The following RHPN1 variants were observed in gnomAD, a reference collection of about 807,000 sequenced individuals.
RHPN1 encodes rhophilin Rho GTPase binding protein 1, also known as rhophilin-1.
A neutral mutation model predicts 74.7 loss-of-function variants in RHPN1; 77 were observed. The observed-to-expected ratio is 1.03, with a 90% confidence interval of 0.86 to 1.25. RHPN1 has a LOEUF of 1.25. Among genes scored for constraint, RHPN1 ranks in the 50% most tolerant of loss-of-function variants. The pLI, the probability that RHPN1 is intolerant of heterozygous loss-of-function variation, is 0.00. For missense variants in RHPN1, 987 were observed against 932.2 expected (o/e 1.06, Z -0.77); for synonymous variants, 444 against 414.5 (o/e 1.07, Z -0.87).
chr8:143,380,087 G>C lies in RHPN1; in HGVS notation c.1128G>C (p.Thr376=). 2.6e-6 allele frequency: 4 copies of C among 1,552,198 alleles called. No homozygotes were observed. The highest frequency in any genetic ancestry group is 3.5e-6 in the Non-Finnish European group (4 of 1,149,110). Residue 376 remains threonine (T), a synonymous_variant, in exon 10 of 15, where the codon ACG becomes ACC. Coordinates refer to ENST00000289013, the MANE Select transcript of RHPN1 (RefSeq NM_052924.3). The part of the protein sequence containing the change: ...GSPATEGELP[T]HEQVFLQPPT... Reference sequence around the variant, plus strand: ...CAGCGACCGAGGGAGAGCTCCCCACGCACGAGCAGGTCTTCCTGCAGCCCC... The same window carrying C: ...CAGCGACCGAGGGAGAGCTCCCCACCCACGAGCAGGTCTTCCTGCAGCCCC...
chr8:143,373,574 G>A (rs1818004154), intron 1 of RHPN1, among the ~76,000 whole-genome samples: 1 of 40,162 alleles, frequency 2.5e-5, no homozygotes, highest in Non-Finnish European at 3.9e-5. Flanking sequence ...GATGGCGTGG[G>A]TTCCAGGGGA....
intron 1 of RHPN1, among the ~76,000 whole-genome samples, chr8:143,370,353 G>A (rs1286093865): frequency 3.3e-5 from 5 of 152,174 alleles, no homozygotes; most frequent in East Asian, 1.9e-4. Context: ...GCAGTGGGGC[G>A]GAGGCAGGCC....
chr8:143,377,003 T>C (rs912466569), intron 3 of RHPN1, among the ~76,000 whole-genome samples: 17 of 150,900 alleles, frequency 1.1e-4, no homozygotes, highest in African/African-American at 4.2e-4. Flanking sequence ...TGTATGTGGG[T>C]GTGTGTTTGC....
chr8:143,375,362 T>C (rs1818142355), intron 1 of RHPN1, among the ~76,000 whole-genome samples, 191 bp from the exon 2 acceptor site: 1 of 152,230 alleles, frequency 6.6e-6, no homozygotes, highest in Non-Finnish European at 1.5e-5. Flanking sequence ...CTGCCTCCTG[T>C]CCTGCTCTGG....
rs761464642 is a variant in RHPN1, at chr8:143,381,688, C to T, written c.1605C>T (p.Ile535=). 18 of 1,611,338 alleles carry T rather than the reference C, an allele frequency of 1.1e-5. No individual in the cohort carries two copies. Among genetic ancestry groups the T allele is most frequent in the Middle Eastern group, 1.6e-4 (1 of 6,080 alleles). The change falls in exon 13 of 15, where the codon ATC becomes ATT. Residue 535 remains isoleucine, a synonymous_variant. Transcript: ENST00000289013. ...LTLRGDSPVL[I]AAVIPGSQAA... ...TTCGGGGAGACTCGCCTGTCCTCAT[C>T]GCTGCCGTCATTCCAGGGAGCCAGG...
chr8:143,369,654 T>C (rs1261415996), intron 1 of RHPN1, among the ~76,000 whole-genome samples: 3 of 152,172 alleles, frequency 2.0e-5, no homozygotes, highest in Non-Finnish European at 4.4e-5. Flanking sequence ...AGGGGACGTC[T>C]GTGGGCCTTG....
rs1002954528 is a variant in RHPN1, at chr8:143,383,105, A to T, written c.*454A>T. ...CACCATGCAGCAGCCAGACACACCC[A>T]CAGCACCCGCAGACCTCTAGGCCGG... On this transcript the variant is annotated 3_prime_UTR_variant, in exon 15 of 15. Transcript: ENST00000289013. 1 of 209,718 alleles carries T rather than the reference A, an allele frequency of 4.8e-6. No homozygotes were observed. The highest frequency in any genetic ancestry group is 9.7e-6 in the Non-Finnish European group (1 of 103,168). 13.0% of individuals were successfully genotyped at this position (209,718 alleles called of 1,614,324 possible). A position where few individuals can be genotyped will look rare whatever the true frequency, so the allele number is the denominator to read the frequency against.
Position 143,382,559 on chromosome 8 carries a change from G to T in RHPN1, c.1921G>T (p.Ala641Ser), listed in dbSNP as rs760619545. ...GCCCCTCCTCAACTGGAGCCGAAAG[G>T]CCCAGCAGGGCAAGACTGGAGGCTG... ...PRPLLNWSRK[A>S]QQGKTGGCPQ... is the part of the protein sequence containing the mutation. Residue 641 changes from alanine (A) to serine (S), a missense_variant, in exon 15 of 15, where the codon GCC (alanine) becomes TCC (serine). Ala to Ser is a moderately conservative substitution (Grantham distance 99, BLOSUM62 1). Coordinates refer to ENST00000289013, the MANE Select transcript of RHPN1 (RefSeq NM_052924.3). 34 of 1,611,508 alleles carry T rather than the reference G, an allele frequency of 2.1e-5. No individual in the cohort carries two copies. The highest frequency in any genetic ancestry group is 2.5e-5 in the Non-Finnish European group (30 of 1,179,674).
chr8:143,380,685 C>T lies in RHPN1; in HGVS notation c.1313C>T (p.Ala438Val), dbSNP rs562688370. The T allele has an allele frequency of 1.2e-4, 194 of 1,582,594 alleles. No homozygotes were observed. The highest frequency in any genetic ancestry group is 1.7e-4 in the Middle Eastern group (1 of 6,002). ...RVLREVDLLR[A>V]VISQTLQRSL... is the part of the protein sequence containing the mutation. ...CTGCGCGAGGTGGACCTGCTTCGGG[C>T]TGTGATCTCCCAGACGCTGCAGCGC... The change falls in exon 11 of 15, where the codon GCT becomes GTT. Residue 438 changes from alanine (A) to valine (V), a missense_variant. Coordinates refer to ENST00000289013, the MANE Select transcript of RHPN1 (RefSeq NM_052924.3).
intron 1 of RHPN1, among the ~76,000 whole-genome samples, chr8:143,372,150 G>C (rs962059772): frequency 6.6e-6 from 1 of 152,158 alleles, no homozygotes; most frequent in Non-Finnish European, 1.5e-5. Context: ...CTGGGTGTCT[G>C]ATGCCCGTCG....
intron 3 of RHPN1, among the ~76,000 whole-genome samples, 171 bp downstream of exon 3, chr8:143,376,824 ATG>A (rs1258240690): frequency 7.8e-6 from 1 of 128,542 alleles, no homozygotes; most frequent in East Asian, 2.3e-4. Context: ...GTCTGTGTGC[ATG>A]TGTCTGTGCA....
At chr8:143,375,718 G>T (rs1237804339) in intron 2 of RHPN1, 50 bp downstream of exon 2, 17 of 1,430,054 alleles carry the variant, frequency 1.2e-5, no homozygotes, top group East Asian at 2.4e-5. Context: ...ACCTGGGTGA[G>T]GGGGGCAGGA....
intron 7 of RHPN1, 21 bp downstream of exon 7, chr8:143,379,099 G>A (rs545493418): frequency 6.2e-5 from 92 of 1,472,970 alleles, no homozygotes; most frequent in South Asian, 2.7e-4. Context: ...CCCGGGCCGC[G>A]GTGGGGCACG....
At chr8:143,380,887 A>G in intron 11 of RHPN1, 104 bp downstream of exon 11, 1 of 988,260 alleles carries the variant, frequency 1.0e-6, no homozygotes, top group Admixed American at 2.9e-5. Context: ...AGTCACCACG[A>G]TGAATTAAAC....
chr8:143,372,859 G>A (rs1817924712), intron 1 of RHPN1, among the ~76,000 whole-genome samples: 1 of 108,204 alleles, frequency 9.2e-6, no homozygotes, highest in Non-Finnish European at 1.9e-5. Context: ...GGGGGACAAT[G>A]CGGGGGTTTG....
rs1484446866 is a variant in RHPN1, at chr8:143,381,704, G to C, written c.1621G>C (p.Gly541Arg). The C allele has an allele frequency of 1.2e-6, 2 of 1,610,848 alleles. No homozygotes were observed. Among genetic ancestry groups the C allele is most frequent in the Non-Finnish European group, 1.7e-6 (2 of 1,179,192 alleles). The change falls in exon 13 of 15, where the codon GGG becomes CGG. Residue 541 changes from glycine (G) to arginine (R), a missense_variant. Gly to Arg is a moderately radical substitution (Grantham distance 125, BLOSUM62 -2). Coordinates refer to ENST00000289013, the MANE Select transcript of RHPN1 (RefSeq NM_052924.3). ...SPVLIAAVIPGSQAAAAGLKE... is the reference protein window; with the variant it reads ...SPVLIAAVIPRSQAAAAGLKE... ...TGTCCTCATCGCTGCCGTCATTCCA[G>C]GGAGCCAGGCCGCGGTAAGGGCCCC...
chr8:143,378,920 C>T lies in RHPN1; in HGVS notation c.593C>T (p.Ser198Leu), dbSNP rs771835290. 6.9e-6 allele frequency: 11 copies of T among 1,584,096 alleles called. No homozygotes were observed. The highest frequency in any genetic ancestry group is 3.5e-5 in the South Asian group (3 of 86,546). The change falls in exon 7 of 15, where the codon TCG becomes TTG. Residue 198 changes from serine to leucine, a missense_variant. Ser to Leu is a moderately radical substitution (Grantham distance 145). Coordinates refer to ENST00000289013, the MANE Select transcript of RHPN1 (RefSeq NM_052924.3). The part of the protein sequence containing the change: ...SLGLFFHWYD[S>L]LTGVPAQQRA... ...CTGACCCAACACTGCAGGTACGACT[C>T]GCTTACTGGGGTCCCGGCCCAGCAG... is the stretch of plus-strand genomic sequence containing the variant.
At position 143,380,607 on chromosome 8, in the gene RHPN1, G is replaced by T. The variant is rs746550164; in HGVS notation, c.1235G>T (p.Arg412Leu). The T allele has an allele frequency of 6.5e-7, 1 of 1,535,582 alleles. No homozygotes were observed. Among genetic ancestry groups the T allele is most frequent in the Admixed American group, 2.0e-5 (1 of 50,062 alleles). ...CGTGCAGGCAAGGCACACCTGAAGC[G>T]TGCCATCCTGGGGCAGGAGGAGGCG... is the stretch of plus-strand genomic sequence containing the variant. ...RRQLGKAHLK[R>L]AILGQEEALR... Residue 412 changes from arginine to leucine, a missense_variant, in exon 11 of 15, where the codon CGT becomes CTT. Physicochemically the swap from Arg to Leu is moderately radical, Grantham distance 102 (BLOSUM62 -2). Coordinates refer to ENST00000289013, the MANE Select transcript of RHPN1 (RefSeq NM_052924.3).
Position 143,382,448 on chromosome 8 carries a change from C to T in RHPN1, c.1810C>T (p.Pro604Ser). ...GTCCCTGCTGCAGGGGGACCGCCGGCCCGTCCTGCTGGGCCCCAGGGGGCT... is the reference window on the plus strand; with the variant it reads ...GTCCCTGCTGCAGGGGGACCGCCGGTCCGTCCTGCTGGGCCCCAGGGGGCT... The part of the protein sequence containing the change: ...SRLPSLGDRR[P>S]VLLGPRGLLR... The change falls in exon 15 of 15, where the codon CCC becomes TCC. Residue 604 changes from proline (P) to serine (S), a missense_variant. Transcript: ENST00000289013. The T allele has an allele frequency of 6.4e-7, 1 of 1,570,558 alleles. No individual in the cohort carries two copies. Among genetic ancestry groups the T allele is most frequent in the Non-Finnish European group, 8.6e-7 (1 of 1,159,112 alleles).
Sources: gnomAD v4.1 joint callset for allele counts (sites outside exome capture counted in the v4.1 genomes callset) on GRCh38, gnomAD v4.1.1 for gene constraint, MANE v1.5 for transcripts, NCBI Gene and HGNC (gene_info 2026-07-23, HGNC 2026-07-21) for gene names.